CLYBL: variants seen among roughly 807,000 people sequenced by gnomAD.
CLYBL encodes the protein citramalyl-CoA lyase.
Under a neutral mutation model 38.9 loss-of-function variants are expected in CLYBL, and 31 were observed. The ratio of observed to expected loss-of-function variants is 0.80; its 90% CI spans 0.60 to 1.08. CLYBL has a LOEUF of 1.08. Among genes scored for constraint, CLYBL ranks in the 50% least tolerant of loss-of-function variants. The pLI is 0.00. For synonymous variants in CLYBL, 171 were observed against 158.6 expected (o/e 1.08, Z -0.59); for missense variants, 434 against 411.6 (o/e 1.05, Z -0.47).
intron 1 of CLYBL, among the ~76,000 whole-genome samples, chr13:99,751,008 G>T (rs2048946724): frequency 6.6e-6 from 1 of 152,018 alleles, no homozygotes; most frequent in Non-Finnish European, 1.5e-5. Flanking sequence ...CCCACTTCTG[G>T]GTATGGAATT....
At chr13:99,790,893 T>G (rs1048104188) in intron 2 of CLYBL, among the ~76,000 whole-genome samples, 1 of 152,178 alleles carries the variant, frequency 6.6e-6, no homozygotes, top group African/African-American at 2.4e-5. Flanking sequence ...GTTTCTGTGT[T>G]GGGGTGAGGC....
chr13:99,733,302 G>A (rs908774979), intron 1 of CLYBL, among the ~76,000 whole-genome samples: 1 of 152,088 alleles, frequency 6.6e-6, no homozygotes, highest in Non-Finnish European at 1.5e-5. Flanking sequence ...TAATTACTAG[G>A]AAATTGACTC....
chr13:99,672,202 C>CTT (rs75680397), intron 1 of CLYBL, among the ~76,000 whole-genome samples: 5 of 131,232 alleles, frequency 3.8e-5, no homozygotes, highest in South Asian at 2.4e-4. Flanking sequence ...TTTTTTTTTT[C>CTT]TTTTTTTTTT....
At chr13:99,704,338 T>C (rs1354040265) in intron 1 of CLYBL, among the ~76,000 whole-genome samples, 1 of 152,246 alleles carries the variant, frequency 6.6e-6, no homozygotes, top group Non-Finnish European at 1.5e-5. Context: ...ATTACTTTGA[T>C]GGTTACTTTC....
At chr13:99,707,441 T>C (rs946954006) in intron 1 of CLYBL, among the ~76,000 whole-genome samples, 2 of 151,902 alleles carry the variant, frequency 1.3e-5, no homozygotes, top group Non-Finnish European at 2.9e-5. Context: ...GGCTAATTTT[T>C]TTGTGTGTCT....
intron 1 of CLYBL, among the ~76,000 whole-genome samples, chr13:99,634,727 G>T (rs2139245818): frequency 6.6e-6 from 1 of 152,282 alleles, no homozygotes. Flanking sequence ...CTTGATACAA[G>T]ATGAGAAAAT....
At chr13:99,720,299 C>T (rs2048375480) in intron 1 of CLYBL, among the ~76,000 whole-genome samples, 1 of 152,112 alleles carries the variant, frequency 6.6e-6, no homozygotes, top group African/African-American at 2.4e-5. Context: ...AATATTTTGG[C>T]TCTGATATTC....
At chr13:99,835,007 T>TAACA (rs1447089073) in intron 2 of CLYBL, among the ~76,000 whole-genome samples, 1 of 152,214 alleles carries the variant, frequency 6.6e-6, no homozygotes, top group African/African-American at 2.4e-5. Flanking sequence ...TCCCTCTTCC[T>TAACA]AACACACACA....
At chr13:99,786,660 T>C (rs2138867535) in intron 2 of CLYBL, among the ~76,000 whole-genome samples, 1 of 152,372 alleles carries the variant, frequency 6.6e-6, no homozygotes, top group African/African-American at 2.4e-5. Context: ...AGTGCCACAA[T>C]AAACATACGT....
intron 2 of CLYBL, among the ~76,000 whole-genome samples, chr13:99,835,616 G>A (rs1170218176): frequency 6.6e-6 from 1 of 152,232 alleles, no homozygotes; most frequent in Non-Finnish European, 1.5e-5. Context: ...AGCTGTCTCT[G>A]CCACACCCCT....
intron 1 of CLYBL, among the ~76,000 whole-genome samples, chr13:99,731,678 C>T (rs1010479501): frequency 2.6e-5 from 4 of 152,144 alleles, no homozygotes; most frequent in African/African-American, 9.7e-5. Flanking sequence ...TAGGTGTTAG[C>T]AGGATGGCTC....
At chr13:99,762,761 C>T (rs954709665) in intron 1 of CLYBL, among the ~76,000 whole-genome samples, 6 of 152,080 alleles carry the variant, frequency 3.9e-5, no homozygotes, top group African/African-American at 1.4e-4. Flanking sequence ...TTTAAGTAGT[C>T]TTGTCATTTT....
chr13:99,854,330 G>A (rs572554392), intron 2 of CLYBL, among the ~76,000 whole-genome samples: 2 of 151,648 alleles, frequency 1.3e-5, no homozygotes, highest in South Asian at 4.2e-4. Flanking sequence ...GCACTTACTT[G>A]GGTATGTTTA....
chr13:99,800,094 C>G (rs770759050), intron 2 of CLYBL, among the ~76,000 whole-genome samples: 4 of 152,222 alleles, frequency 2.6e-5, no homozygotes, highest in Non-Finnish European at 5.9e-5. Context: ...AGTTTGTCGT[C>G]CTCCCCTCAC....
At chr13:99,728,690 G>T (rs1359550296) in intron 1 of CLYBL, among the ~76,000 whole-genome samples, 1 of 151,928 alleles carries the variant, frequency 6.6e-6, no homozygotes. Flanking sequence ...GTCCTCGCAC[G>T]TAGCTGGGAC....
chr13:99,729,718 T>A (rs960703123), intron 1 of CLYBL, among the ~76,000 whole-genome samples: 2 of 152,196 alleles, frequency 1.3e-5, no homozygotes, highest in African/African-American at 4.8e-5. Context: ...CTGATAAAGT[T>A]TAGGAATAAA....
At chr13:99,721,594 A>G (rs1000305822) in intron 1 of CLYBL, among the ~76,000 whole-genome samples, 7 of 151,774 alleles carry the variant, frequency 4.6e-5, no homozygotes, top group South Asian at 4.2e-4. Context: ...CGTCATTTAC[A>G]TTAGTTATAT....
At chr13:99,645,171 G>T (rs1171460618) in intron 1 of CLYBL, among the ~76,000 whole-genome samples, 2 of 151,912 alleles carry the variant, frequency 1.3e-5, no homozygotes, top group African/African-American at 4.8e-5. Context: ...CCATATCCTC[G>T]CTAGCATTTG....
rs574962779 is a variant in CLYBL, at chr13:99,669,272, G to T, written c.62+62515G>T. ...CCGCCTCAGCCTCCTAAAGTGCTGG[G>T]ATTACAGGTGTGAGCTGCCGCGCCC... is the stretch of plus-strand genomic sequence containing the variant. On this transcript the variant is annotated intron_variant, in intron 1 of 8. Coordinates refer to ENST00000339105, the MANE Select transcript of CLYBL (RefSeq NM_206808.5). Among the ~76,000 whole-genome samples, 11 of 152,264 alleles carry T rather than the reference G, an allele frequency of 7.2e-5. No homozygotes were observed. In the South Asian group the frequency reaches 2.3e-3, roughly 32 times the overall value.
Sources: allele counts gnomAD v4.1 joint callset (sites outside exome capture counted in the v4.1 genomes callset), GRCh38; gene constraint gnomAD v4.1.1; transcripts MANE v1.5; gene names NCBI Gene and HGNC (gene_info 2026-07-23, HGNC 2026-07-21).